Variants in NRXN3 observed in about 807,000 individuals in gnomAD.
The protein encoded by NRXN3 is neurexin 3.
NRXN3 carries 32 observed loss-of-function variants against 137.6 expected under a neutral mutation model. The observed-to-expected ratio is 0.23, with a 90% CI of 0.18 to 0.31. NRXN3 has a LOEUF of 0.31. Among genes scored for constraint, NRXN3 ranks in the 10% least tolerant of loss-of-function variants. The probability of loss-of-function intolerance (pLI) is 1.00; values close to 1 mark genes in which losing one functional copy is unlikely to be tolerated. For missense variants in NRXN3, 1,574 were observed against 2,062.5 expected (o/e 0.76, Z 4.59); for synonymous variants, 798 against 784.5 (o/e 1.02, Z -0.29).
At chr14:79,376,857 G>A (rs573956833) in intron 15 of NRXN3, among the ~76,000 whole-genome samples, 2 of 152,180 alleles carry the variant, frequency 1.3e-5, no homozygotes, top group African/African-American at 2.4e-5. Context: ...CACCCAAGTA[G>A]CAAAGATGTT....
intron 1 of NRXN3, among the ~76,000 whole-genome samples, chr14:78,232,148 C>G (rs568745156): frequency 5.9e-4 from 90 of 152,262 alleles, no homozygotes; most frequent in Non-Finnish European, 1.1e-3. Context: ...GTAGATGGGG[C>G]TGTGCCAGGC....
intron 19 of NRXN3, among the ~76,000 whole-genome samples, chr14:79,717,527 T>C (rs951305404): frequency 2.6e-5 from 4 of 152,190 alleles, no homozygotes; most frequent in Admixed American, 2.6e-4. Context: ...GCACTTTTTT[T>C]CCCCCTCTGA....
chr14:78,720,924 G>A (rs1394293202), intron 8 of NRXN3, among the ~76,000 whole-genome samples: 2 of 152,114 alleles, frequency 1.3e-5, no homozygotes, highest in Admixed American at 6.5e-5. Flanking sequence ...CAGGTATTTA[G>A]CTCTTTTCTG....
chr14:78,787,912 G>A (rs189924929), intron 8 of NRXN3, among the ~76,000 whole-genome samples: 34 of 151,970 alleles, frequency 2.2e-4, no homozygotes, highest in Non-Finnish European at 3.7e-4. Context: ...AAAGCAGAAC[G>A]TCGCCCTTAT....
intron 1 of NRXN3, among the ~76,000 whole-genome samples, chr14:78,179,257 C>T (rs985742039): frequency 2.0e-5 from 3 of 151,866 alleles, no homozygotes; most frequent in Non-Finnish European, 2.9e-5. Context: ...AGGGAATGAG[C>T]GGGATCCCCC....
At chr14:79,559,115 C>G (rs11847465) in intron 16 of NRXN3, among the ~76,000 whole-genome samples, 6 of 152,220 alleles carry the variant, frequency 3.9e-5, no homozygotes, top group East Asian at 1.9e-4. Flanking sequence ...GTCCAGACAA[C>G]TAAAACTTTC....
chr14:79,380,319 T>G (rs1045892023), intron 15 of NRXN3, among the ~76,000 whole-genome samples: 4 of 151,728 alleles, frequency 2.6e-5, no homozygotes, highest in African/African-American at 7.3e-5. Context: ...TTAGCATTAG[T>G]TATATCTCCT....
At chr14:78,277,737 T>A (rs1596671333) in intron 2 of NRXN3, among the ~76,000 whole-genome samples, 1 of 152,120 alleles carries the variant, frequency 6.6e-6, no homozygotes, top group Non-Finnish European at 1.5e-5. Flanking sequence ...CTGCTCTGGG[T>A]TATGCTTCCC....
At chr14:78,947,677 A>G (rs2099368963) in intron 10 of NRXN3, among the ~76,000 whole-genome samples, 1 of 152,178 alleles carries the variant, frequency 6.6e-6, no homozygotes, top group Admixed American at 6.5e-5. Flanking sequence ...GACCTGTGCT[A>G]CTTCCTCACA....
intron 5 of NRXN3, among the ~76,000 whole-genome samples, chr14:78,647,157 CTT>C (rs2152593803): frequency 6.6e-6 from 1 of 152,304 alleles, no homozygotes; most frequent in African/African-American, 2.4e-5. Flanking sequence ...ACTAAAAACA[CTT>C]TTCTAAAATA....
chr14:78,676,911 A>G (rs1347780256), intron 6 of NRXN3, among the ~76,000 whole-genome samples: 1 of 152,146 alleles, frequency 6.6e-6, no homozygotes, highest in Non-Finnish European at 1.5e-5. Flanking sequence ...CAAAGTCTGG[A>G]TGAGAGCCCA....
intron 4 of NRXN3, among the ~76,000 whole-genome samples, chr14:78,418,321 T>A (rs2093260122): frequency 6.6e-6 from 1 of 152,224 alleles, no homozygotes; most frequent in African/African-American, 2.4e-5. Context: ...GTTGGTGGAT[T>A]TGGGGCTGCC....
chr14:79,823,906 A>T (rs750006821), intron 20 of NRXN3: 2 of 451,376 alleles, frequency 4.4e-6, no homozygotes, highest in African/African-American at 2.0e-5. Flanking sequence ...TCAAGTGACA[A>T]ATTGTCCATG....
intron 4 of NRXN3, among the ~76,000 whole-genome samples, chr14:78,317,532 T>TC (rs942980451): frequency 6.6e-6 from 1 of 152,120 alleles, no homozygotes; most frequent in African/African-American, 2.4e-5. Context: ...TCTTCTGCTT[T>TC]CCCCCTGCCA....
At chr14:78,918,385 A>G (rs1274308973) in intron 10 of NRXN3, among the ~76,000 whole-genome samples, 1 of 152,122 alleles carries the variant, frequency 6.6e-6, no homozygotes, top group Non-Finnish European at 1.5e-5. Flanking sequence ...TCATAATAAA[A>G]CGAATAATGA....
intron 19 of NRXN3, among the ~76,000 whole-genome samples, chr14:79,714,268 A>ATAAT (rs1162181644): frequency 6.6e-6 from 1 of 152,218 alleles, no homozygotes. Flanking sequence ...ATTTGATTAA[A>ATAAT]TAATTACACT....
intron 4 of NRXN3, among the ~76,000 whole-genome samples, chr14:78,642,537 G>A (rs1235032260): frequency 6.6e-6 from 1 of 152,146 alleles, no homozygotes. Flanking sequence ...GGGCACACAA[G>A]GTATAACTTA....
chr14:78,874,562 C>G (rs2099109269), intron 10 of NRXN3, among the ~76,000 whole-genome samples: 1 of 152,156 alleles, frequency 6.6e-6, no homozygotes, highest in Non-Finnish European at 1.5e-5. Flanking sequence ...CATATCAGAT[C>G]CTATTTTCTT....
At chr14:78,788,300 G>T (rs1434050907) in intron 8 of NRXN3, among the ~76,000 whole-genome samples, 2 of 152,184 alleles carry the variant, frequency 1.3e-5, no homozygotes, top group African/African-American at 4.8e-5. Flanking sequence ...GCATGGCTTG[G>T]ATATTTTCAC....
Sources: allele counts gnomAD v4.1 joint callset (sites outside exome capture counted in the v4.1 genomes callset), GRCh38; gene constraint gnomAD v4.1.1; transcripts MANE v1.5; gene names NCBI Gene and HGNC (gene_info 2026-07-23, HGNC 2026-07-21).